PARD3: variants seen among roughly 807,000 people sequenced by gnomAD.
PARD3 encodes the protein par-3 family cell polarity regulator, also known as partitioning defective 3 homolog.
Under a neutral mutation model 155.4 loss-of-function variants are expected in PARD3, and 75 were observed. The ratio of observed to expected loss-of-function variants is 0.48; its 90% CI spans 0.40 to 0.58. The LOEUF (loss-of-function observed/expected upper bound fraction) is 0.58. PARD3 is among the 20% of genes least tolerant of loss of function. The pLI is 0.00. For synonymous variants in PARD3, 576 were observed against 610.5 expected (o/e 0.94, Z 0.83); for missense variants, 1,642 against 1,721.7 (o/e 0.95, Z 0.82).
intron 1 of PARD3, among the ~76,000 whole-genome samples, chr10:34,763,080 T>C (rs1417329162): frequency 6.6e-6 from 1 of 152,166 alleles, no homozygotes; most frequent in African/African-American, 2.4e-5. Flanking sequence ...CCAGAGGACA[T>C]TTTGGAAATT....
intron 2 of PARD3, among the ~76,000 whole-genome samples, chr10:34,605,606 CTCCTATATATATA>C (rs2132545443): frequency 1.6e-5 from 1 of 62,162 alleles, no homozygotes; most frequent in Admixed American, 1.7e-4. Context: ...ATATATATAT[CTCCTATATATATA>C]TCTCCTATAT....
chr10:34,374,803 C>T, intron 11 of PARD3, 71 bp downstream of exon 11: 1 of 1,432,404 alleles, frequency 7.0e-7, no homozygotes, highest in South Asian at 1.3e-5. Flanking sequence ...AAACATTTGC[C>T]ATCAGGCAAC....
At chr10:34,248,775 C>G (rs1954116291) in intron 22 of PARD3, among the ~76,000 whole-genome samples, 1 of 152,196 alleles carries the variant, frequency 6.6e-6, no homozygotes, top group Non-Finnish European at 1.5e-5. Flanking sequence ...TTCCAGAATC[C>G]TGAAGATCAT....
intron 22 of PARD3, among the ~76,000 whole-genome samples, chr10:34,199,605 CTG>C (rs1425138355): frequency 6.6e-6 from 1 of 152,062 alleles, no homozygotes; most frequent in Non-Finnish European, 1.5e-5. Flanking sequence ...GCCTGGCCTG[CTG>C]TGTTAAGCAA....
chr10:34,686,166 A>G (rs2093951809), intron 2 of PARD3, among the ~76,000 whole-genome samples: 1 of 152,204 alleles, frequency 6.6e-6, no homozygotes, highest in South Asian at 2.1e-4. Flanking sequence ...CAAATGTAGT[A>G]TGTGAAGCCC....
At chr10:34,331,553 CTT>C (rs1216782229) in intron 18 of PARD3, among the ~76,000 whole-genome samples, 1 of 152,072 alleles carries the variant, frequency 6.6e-6, no homozygotes, top group African/African-American at 2.4e-5. Context: ...TATTTTCTCT[CTT>C]TGCATTAGGA....
intron 22 of PARD3, among the ~76,000 whole-genome samples, chr10:34,174,891 C>G (rs1441642291): frequency 6.6e-6 from 1 of 152,048 alleles, no homozygotes; most frequent in Non-Finnish European, 1.5e-5. Flanking sequence ...TTTTAGTTAT[C>G]ACAGGAAAAA....
At chr10:34,239,760 G>A (rs1439808631) in intron 22 of PARD3, among the ~76,000 whole-genome samples, 2 of 148,484 alleles carry the variant, frequency 1.3e-5, no homozygotes, top group East Asian at 2.0e-4. Context: ...CCAATAACGC[G>A]CCATTGCATT....
intron 1 of PARD3, among the ~76,000 whole-genome samples, chr10:34,776,793 T>G: frequency 7.4e-6 from 1 of 134,316 alleles, no homozygotes; most frequent in Non-Finnish European, 1.5e-5. Flanking sequence ...AAAAAACAAA[T>G]TAAGGAGACT....
chr10:34,461,655 T>C (rs1291670094), intron 4 of PARD3, among the ~76,000 whole-genome samples: 1 of 152,124 alleles, frequency 6.6e-6, no homozygotes, highest in Non-Finnish European at 1.5e-5. Flanking sequence ...CAAATGAGAT[T>C]AAAATATTTT....
intron 22 of PARD3, among the ~76,000 whole-genome samples, chr10:34,241,975 A>G (rs1953629699): frequency 6.6e-6 from 1 of 152,118 alleles, no homozygotes; most frequent in African/African-American, 2.4e-5. Flanking sequence ...ATCTCTTCTC[A>G]TTTTAAGTCC....
At chr10:34,701,549 C>T (rs921041976) in intron 1 of PARD3, among the ~76,000 whole-genome samples, 6 of 152,094 alleles carry the variant, frequency 3.9e-5, no homozygotes, top group South Asian at 2.1e-4. Flanking sequence ...CCAACAGAGC[C>T]GGTAAGAGGC....
chr10:34,570,452 T>C (rs891124763), intron 2 of PARD3, among the ~76,000 whole-genome samples: 4 of 152,194 alleles, frequency 2.6e-5, no homozygotes, highest in East Asian at 1.9e-4. Flanking sequence ...TGGGATTCCA[T>C]GAAAGATAAC....
At chr10:34,146,272 A>C (rs1462783726) in intron 22 of PARD3, among the ~76,000 whole-genome samples, 1 of 152,230 alleles carries the variant, frequency 6.6e-6, no homozygotes, top group Non-Finnish European at 1.5e-5. Context: ...TAAAACTGGT[A>C]TATGGATGCT....
At chr10:34,782,696 G>A (rs144005248) in intron 1 of PARD3, among the ~76,000 whole-genome samples, 1 of 151,690 alleles carries the variant, frequency 6.6e-6, no homozygotes, top group Non-Finnish European at 1.5e-5. Flanking sequence ...AGGACTTAAC[G>A]TGAGAATATA....
intron 2 of PARD3, among the ~76,000 whole-genome samples, chr10:34,601,297 A>C (rs1468162266): frequency 2.0e-5 from 3 of 150,226 alleles, no homozygotes. Context: ...AAAAATTAGC[A>C]CCAAGTATAG....
chr10:34,469,121 T>C (rs2078188649), intron 4 of PARD3, among the ~76,000 whole-genome samples: 2 of 152,200 alleles, frequency 1.3e-5, no homozygotes, highest in African/African-American at 2.4e-5. Context: ...AACATTTTTT[T>C]AGTTGTTGAG....
At chr10:34,756,991 T>C (rs886373559) in intron 1 of PARD3, among the ~76,000 whole-genome samples, 3 of 152,172 alleles carry the variant, frequency 2.0e-5, no homozygotes, top group African/African-American at 7.2e-5. Flanking sequence ...TAAAAAAAGG[T>C]TCTAAAGTCA....
At chr10:34,787,773 CCT>C (rs1841155579) in intron 1 of PARD3, among the ~76,000 whole-genome samples, 1 of 149,148 alleles carries the variant, frequency 6.7e-6, no homozygotes, top group Non-Finnish European at 1.5e-5. Context: ...CAACCAACAT[CCT>C]TTTTTTTTTT....
Sources: gnomAD v4.1 joint callset for allele counts (sites outside exome capture counted in the v4.1 genomes callset) on GRCh38, gnomAD v4.1.1 for gene constraint, MANE v1.5 for transcripts, NCBI Gene and HGNC (gene_info 2026-07-23, HGNC 2026-07-21) for gene names.